The following PDIA4 variants were observed in gnomAD, a reference collection of about 807,000 sequenced individuals.
PDIA4 encodes protein disulfide isomerase family A member 4.
Under a neutral mutation model 62.1 loss-of-function variants are expected in PDIA4, and 33 were observed. The ratio of observed to expected loss-of-function variants is 0.53; its 90% CI spans 0.40 to 0.71. The LOEUF (loss-of-function observed/expected upper bound fraction) is 0.71, where lower values mean the gene tolerates loss of function less well. Among genes scored for constraint, PDIA4 ranks in the 30% least tolerant of loss-of-function variants. PDIA4 has a pLI of 0.00. For missense variants in PDIA4, 804 were observed against 813.6 expected (o/e 0.99, Z 0.14); for synonymous variants, 341 against 324.1 (o/e 1.05, Z -0.56).
intron 6 of PDIA4, among the ~76,000 whole-genome samples, chr7:149,010,656 G>A (rs1015528264): frequency 2.0e-5 from 3 of 152,046 alleles, no homozygotes; most frequent in Admixed American, 6.6e-5. Context: ...TCCCCCAGCC[G>A]CCCTCTCTGC....
Position 149,005,192 on chromosome 7 carries a change from CT to C in PDIA4, c.1470del (p.Glu491ArgfsTer20). 1 of 1,614,164 alleles carries C rather than the reference CT, an allele frequency of 6.2e-7. No homozygotes were observed. Among genetic ancestry groups the C allele is most frequent in the Non-Finnish European group, 8.5e-7 (1 of 1,180,000 alleles). On this transcript the variant is annotated frameshift_variant, in exon 9 of 10. Coordinates refer to ENST00000652332, the MANE Select transcript of PDIA4 (RefSeq NM_004911.5). LOFTEE classifies it high-confidence loss of function. ...CGGAGGGTGTCAGAGTCAAACTCCT[CT>C]GGCTCCATGGCGAACTTCTTCCCAC... ...DESGKKFAME[P>X]EEFDSDTLRE...
rs35572261 is a variant in PDIA4 at position 149,003,539 on chromosome 7, T to TA, written c.*254dup. The TA allele has an allele frequency of 1.3e-4, 47 of 354,554 alleles. No homozygotes were observed. The highest frequency in any genetic ancestry group is 7.3e-4 in the Middle Eastern group (1 of 1,376). 22.0% of individuals were successfully genotyped at this position (354,554 alleles called of 1,614,324 possible). On this transcript the variant is annotated 3_prime_UTR_variant, in exon 10 of 10. Coordinates refer to ENST00000652332, the MANE Select transcript of PDIA4 (RefSeq NM_004911.5). ...TGAGAAATAAAGAAATTAGAAGGTG[T>TA]AAAAAAAAATTTTTCAAACCCCAAA...
rs756145598 is a variant in PDIA4, at chr7:149,003,952, G to A, written c.1780C>T (p.Arg594Cys). The A allele has an allele frequency of 8.7e-6, 14 of 1,613,246 alleles. No individual in the cohort carries two copies. The highest frequency in any genetic ancestry group is 1.3e-5 in the African/African-American group (1 of 75,030). Reference sequence around the variant, plus strand: ...GTGGGGAAGCCCTCCACCTTATAGCGGTCGCTGGGGACGTCGTTGGCAGTG... The same window carrying A: ...GTGGGGAAGCCCTCCACCTTATAGCAGTCGCTGGGGACGTCGTTGGCAGTG... Reference protein sequence around the residue: ...DATANDVPSDRYKVEGFPTIY... With the variant: ...DATANDVPSDCYKVEGFPTIY... Residue 594 changes from arginine to cysteine, a missense_variant, in exon 10 of 10, where the codon CGC (arginine) becomes TGC (cysteine). Coordinates refer to ENST00000652332, the MANE Select transcript of PDIA4 (RefSeq NM_004911.5).
At chr7:149,020,323 G>A (rs1363926008) in intron 2 of PDIA4, among the ~76,000 whole-genome samples, 1 of 152,192 alleles carries the variant, frequency 6.6e-6, no homozygotes, top group Non-Finnish European at 1.5e-5. Context: ...GGACAAAAGT[G>A]AGTATATCCT....
At position 149,003,674 on chromosome 7, in the gene PDIA4, T is replaced by TAAAA; in HGVS notation, c.*116_*119dup. ...AGTGAAACACCAAAGTATAAAAAAT[T>TAAAA]AAAAAAAAAAAAAAAGGAATCCGAG... On this transcript the variant is annotated 3_prime_UTR_variant, in exon 10 of 10. Transcript: ENST00000652332. 3.7e-6 allele frequency: 2 copies of TAAAA among 542,908 alleles called. No individual in the cohort carries two copies. Among genetic ancestry groups the TAAAA allele is most frequent in the Non-Finnish European group, 2.9e-6 (1 of 346,322 alleles). The allele number at this position is 542,908 out of a possible 1,614,324, so 33.6% of individuals were successfully genotyped here. A position where few individuals can be genotyped will look rare whatever the true frequency, so the allele number is the denominator to read the frequency against.
chr7:149,018,515 T>A (rs1048828947), intron 3 of PDIA4, among the ~76,000 whole-genome samples: 2 of 151,944 alleles, frequency 1.3e-5, no homozygotes, highest in African/African-American at 2.4e-5. Flanking sequence ...CACCGCAACC[T>A]CCGCTTCGTA....
Position 149,005,456 on chromosome 7 carries a change from T to C in PDIA4, c.1289-82A>G. ...GACTCTGAGGTCAGGCTTCAGGTCC[T>C]GTCGCTAATATTCTGACAATGCTCA... On this transcript the variant is annotated intron_variant, in intron 8 of 9. Coordinates refer to ENST00000652332, the MANE Select transcript of PDIA4 (RefSeq NM_004911.5). 3.5e-6 allele frequency: 3 copies of C among 851,402 alleles called. No individual in the cohort carries two copies. In the East Asian group the frequency reaches 7.3e-5, roughly 21 times the overall value. The allele number at this position is 851,402 out of a possible 1,614,324, so 52.7% of individuals were successfully genotyped here.
chr7:149,013,968 G>T (rs573361024), intron 4 of PDIA4, among the ~76,000 whole-genome samples: 3 of 152,266 alleles, frequency 2.0e-5, no homozygotes, highest in African/African-American at 7.2e-5. Context: ...CGAAACAAGG[G>T]TCTGTGTCTC....
chr7:149,014,361 G>C (rs1348475510), intron 4 of PDIA4, among the ~76,000 whole-genome samples: 1 of 152,026 alleles, frequency 6.6e-6, no homozygotes, highest in African/African-American at 2.4e-5. Flanking sequence ...AGACATACCA[G>C]GACTGCTCAA....
At position 149,005,904 on chromosome 7, in the gene PDIA4, G is replaced by A; in HGVS notation, c.1281C>T (p.Tyr427=). 3 of 1,511,526 alleles carry A rather than the reference G, an allele frequency of 2.0e-6. No homozygotes were observed. The highest frequency in any genetic ancestry group is 2.6e-6 in the Non-Finnish European group (3 of 1,138,684). The allele number at this position is 1,511,526 out of a possible 1,614,324, so 93.6% of individuals were successfully genotyped here. ...VYYSVDFSFD[Y]RAATQFWRSK... is the part of the protein sequence containing the mutation. The stretch of plus-strand genomic sequence containing the variant: ...TTGGTGGGGGTCCCTCACCAGCTCT[G>A]TAATCAAAGCTGAAGTCCACACTGT... Residue 427 remains tyrosine, a synonymous_variant, in exon 8 of 10, where the codon TAC becomes TAT. Coordinates refer to ENST00000652332, the MANE Select transcript of PDIA4 (RefSeq NM_004911.5).
At position 149,026,640 on chromosome 7, in the gene PDIA4, G is replaced by GA. The variant is rs539199358; in HGVS notation, c.88+1680dup. On this transcript the variant is annotated intron_variant, in intron 1 of 9. Transcript: ENST00000652332. Reference sequence around the variant, plus strand: ...CACTCCAGCCTGGGCGACAGAGCCAGAAAAAAAAAACAGCCAGGCGTGTTG... The same window carrying GA: ...CACTCCAGCCTGGGCGACAGAGCCAGAAAAAAAAAAACAGCCAGGCGTGTTG... Among the ~76,000 whole-genome samples, 450 of 146,294 alleles carry GA rather than the reference G, an allele frequency of 3.1e-3. 4 individuals carry two copies. The highest frequency in any genetic ancestry group is 0.025 in the East Asian group (127 of 5,016).
intron 4 of PDIA4, among the ~76,000 whole-genome samples, chr7:149,013,037 C>T (rs1241342047): frequency 1.3e-5 from 2 of 152,138 alleles, no homozygotes; most frequent in Admixed American, 1.3e-4. Flanking sequence ...CACCTGAGGC[C>T]AGGAGTTTGA....
chr7:149,021,981 G>A lies in PDIA4; in HGVS notation c.89-834C>T, dbSNP rs547843925. ...CAACGTTATTGCTCACTGATGTGCC[G>A]CCTCCTCCTCACCCTGTATGCTTTC... On this transcript the variant is annotated intron_variant, in intron 1 of 9. Coordinates refer to ENST00000652332, the MANE Select transcript of PDIA4 (RefSeq NM_004911.5). 1.2e-4 allele frequency among the ~76,000 whole-genome samples: 19 copies of A among 152,222 alleles called. No homozygotes were observed. In the South Asian group the frequency reaches 3.3e-3, roughly 27 times the overall value.
rs777547407 is a variant in PDIA4 at position 149,006,056 on chromosome 7, G to C, written c.1132-3C>G. 11 of 1,554,446 alleles carry C rather than the reference G, an allele frequency of 7.1e-6. No homozygotes were observed. The East Asian group carries it at 2.7e-4, about 38-fold the overall frequency. ...ATGGCCGAGTCCTGGGTGGAGCCCT[G>C]CTTCAAAGAGGGAACAGGTGAGGGG... On this transcript the variant is annotated splice_polypyrimidine_tract_variant and splice_region_variant and intron_variant, in intron 7 of 9. Transcript: ENST00000652332.
chr7:149,006,271 G>A, intron 7 of PDIA4: 1 of 497,234 alleles, frequency 2.0e-6, no homozygotes, highest in Non-Finnish European at 3.5e-6. Context: ...TGGCTTCTTG[G>A]GAAAAGGCAA....
chr7:149,018,971 C>T (rs779948829), intron 3 of PDIA4, 21 bp downstream of exon 3: 20 of 1,574,108 alleles, frequency 1.3e-5, no homozygotes, highest in Admixed American at 1.0e-4. Flanking sequence ...TCTTCCTCTA[C>T]GAGCTCAGGT....
At chr7:149,007,714 G>A (rs1438073165) in intron 7 of PDIA4, among the ~76,000 whole-genome samples, 1 of 152,262 alleles carries the variant, frequency 6.6e-6, no homozygotes, top group Non-Finnish European at 1.5e-5. Context: ...AAGGTCAACA[G>A]CTCCCTCTGG....
At position 149,005,336 on chromosome 7, in the gene PDIA4, T is replaced by A. The variant is rs552264110; in HGVS notation, c.1327A>T (p.Lys443Ter). The A allele has an allele frequency of 6.2e-7, 1 of 1,614,128 alleles. No individual in the cohort carries two copies. Among genetic ancestry groups the A allele is most frequent in the East Asian group, 2.2e-5 (1 of 44,870 alleles). ...FWRSKVLEVAKDFPEYTFAIA... is the reference protein window; with the variant it reads ...FWRSKVLEVA The stretch of plus-strand genomic sequence containing the variant: ...GCAAAGGTGTACTCAGGGAAGTCCT[T>A]GGCCACCTCTAGGACTTTGCTCCGC... The change falls in exon 9 of 10, where the codon AAG becomes TAG. Residue 443 changes from lysine to a stop codon, truncating the protein, a stop_gained. Coordinates refer to ENST00000652332, the MANE Select transcript of PDIA4 (RefSeq NM_004911.5). LOFTEE classifies it high-confidence loss of function.
chr7:149,007,670 G>A (rs957123211), intron 7 of PDIA4, among the ~76,000 whole-genome samples: 4 of 152,234 alleles, frequency 2.6e-5, no homozygotes, highest in African/African-American at 7.2e-5. Flanking sequence ...GTGCAGGGGT[G>A]CAGTAATGGA....
Sources: allele counts gnomAD v4.1 joint callset (sites outside exome capture counted in the v4.1 genomes callset), GRCh38; gene constraint gnomAD v4.1.1; transcripts MANE v1.5; gene names NCBI Gene and HGNC (gene_info 2026-07-23, HGNC 2026-07-21).